Variants in TTC27 observed in about 807,000 individuals in gnomAD.
TTC27 encodes tetratricopeptide repeat domain 27, also known as tetratricopeptide repeat protein 27.
A neutral mutation model predicts 115.9 loss-of-function variants in TTC27; 79 were observed. That is an observed-to-expected ratio of 0.68 (90% confidence interval 0.57 to 0.82). TTC27 has a LOEUF of 0.82. Among genes scored for constraint, TTC27 ranks in the 40% least tolerant of loss-of-function variants. The probability of loss-of-function intolerance (pLI) is 0.00; values close to 1 mark genes in which losing one functional copy is unlikely to be tolerated. For synonymous variants in TTC27, 401 were observed against 356.0 expected (o/e 1.13, Z -1.42); for missense variants, 1,054 against 993.1 (o/e 1.06, Z -0.82).
At chr2:32,739,066 A>G (rs1197572248) in intron 12 of TTC27, among the ~76,000 whole-genome samples, 6 of 152,224 alleles carry the variant, frequency 3.9e-5, no homozygotes, top group Non-Finnish European at 8.8e-5. Context: ...GATGAAATAT[A>G]GTCATGTATT....
At chr2:32,750,100 T>C (rs752518160) in intron 12 of TTC27, among the ~76,000 whole-genome samples, 5 of 152,172 alleles carry the variant, frequency 3.3e-5, no homozygotes, top group African/African-American at 4.8e-5. Flanking sequence ...ACTTGAAACA[T>C]TGGCACAAGT....
intron 16 of TTC27, among the ~76,000 whole-genome samples, chr2:32,798,714 AAT>A (rs1254522212): frequency 3.7e-5 from 4 of 108,192 alleles, no homozygotes; most frequent in South Asian, 2.5e-4. Context: ...CAAAAAAAAA[AAT>A]AATAATAATA....
chr2:32,817,225 G>A (rs1413386029), intron 18 of TTC27, among the ~76,000 whole-genome samples: 2 of 151,132 alleles, frequency 1.3e-5, no homozygotes, highest in Non-Finnish European at 2.9e-5. Context: ...CAGACTGAGC[G>A]ACAGGGTGAG....
chr2:32,800,400 C>T (rs1670881746), intron 16 of TTC27, among the ~76,000 whole-genome samples: 1 of 152,266 alleles, frequency 6.6e-6, no homozygotes, highest in Admixed American at 6.5e-5. Context: ...CCAGGCTGGT[C>T]TCAAACTCCT....
At chr2:32,796,347 T>C (rs1300054080) in intron 16 of TTC27, among the ~76,000 whole-genome samples, 4 of 152,126 alleles carry the variant, frequency 2.6e-5, no homozygotes, top group African/African-American at 9.7e-5. Flanking sequence ...ATTGAAAAAC[T>C]TAACATTGTT....
chr2:32,817,662 G>A (rs146414704), intron 19 of TTC27, 105 bp downstream of exon 19: 17 of 1,055,734 alleles, frequency 1.6e-5, no homozygotes, highest in African/African-American at 1.1e-4. Flanking sequence ...AATTTTAGGC[G>A]CATGTTTTAT....
At chr2:32,643,425 C>A (rs544589190) in intron 4 of TTC27, among the ~76,000 whole-genome samples, 12 of 152,214 alleles carry the variant, frequency 7.9e-5, no homozygotes, top group African/African-American at 2.9e-4. Flanking sequence ...CCTGCCTCAG[C>A]CTCCCTAGTA....
At chr2:32,769,763 T>C (rs1033218856) in intron 13 of TTC27, among the ~76,000 whole-genome samples, 3 of 152,226 alleles carry the variant, frequency 2.0e-5, no homozygotes, top group Non-Finnish European at 4.4e-5. Flanking sequence ...ATCTATATTC[T>C]AAGCTCTTAT....
chr2:32,640,514 C>G (rs1664602554), intron 4 of TTC27, 104 bp downstream of exon 4: 3 of 1,202,978 alleles, frequency 2.5e-6, no homozygotes, highest in Admixed American at 2.2e-5. Context: ...ATTTTGTTTT[C>G]TAAGTCTTCT....
intron 9 of TTC27, among the ~76,000 whole-genome samples, chr2:32,697,572 A>G (rs1166819966): frequency 1.3e-5 from 2 of 152,236 alleles, no homozygotes; most frequent in East Asian, 3.8e-4. Flanking sequence ...AAAATTCAAC[A>G]AAGATGAACT....
Position 32,650,156 on chromosome 2 carries a change from G to T in TTC27, c.563G>T (p.Cys188Phe). The T allele has an allele frequency of 1.9e-6, 3 of 1,613,720 alleles. No individual in the cohort carries two copies. Among genetic ancestry groups the T allele is most frequent in the Non-Finnish European group, 1.7e-6 (2 of 1,179,786 alleles). The change falls in exon 5 of 20, where the codon TGT becomes TTT. Residue 188 changes from cysteine (C) to phenylalanine (F), a missense_variant. By Grantham distance (205) the Cys-to-Phe change is radical. Coordinates refer to ENST00000317907, the MANE Select transcript of TTC27 (RefSeq NM_017735.5). ...AGCTTGCCATGGTGGACTTTGAGATGTGTGAATATTCATCAGCATTTGCTT... is the reference window on the plus strand; with the variant it reads ...AGCTTGCCATGGTGGACTTTGAGATTTGTGAATATTCATCAGCATTTGCTT... Reference protein sequence around the residue: ...IQSLPWWTLRCVNIHQHLLEE... With the variant: ...IQSLPWWTLRFVNIHQHLLEE...
At chr2:32,674,083 G>A (rs1666107500) in intron 8 of TTC27, among the ~76,000 whole-genome samples, 1 of 151,816 alleles carries the variant, frequency 6.6e-6, no homozygotes, top group Admixed American at 6.6e-5. Flanking sequence ...CCCTCACAAA[G>A]CTATAATATT....
chr2:32,771,106 C>G (rs1669815191), intron 13 of TTC27, among the ~76,000 whole-genome samples: 1 of 152,258 alleles, frequency 6.6e-6, no homozygotes, highest in East Asian at 1.9e-4. Context: ...TACCATAGAC[C>G]TGATTCTGAA....
At chr2:32,669,883 C>A (rs1448623735) in intron 7 of TTC27, among the ~76,000 whole-genome samples, 2,012 of 108,356 alleles carry the variant, frequency 0.019, no homozygotes, top group Non-Finnish European at 0.022. Context: ...GAGACTTTCT[C>A]AAAAAAAAAA....
At chr2:32,666,968 T>A (rs1665801423) in intron 7 of TTC27, among the ~76,000 whole-genome samples, 200 bp downstream of exon 7, 1 of 67,616 alleles carries the variant, frequency 1.5e-5, no homozygotes, top group African/African-American at 7.6e-5. Flanking sequence ...AAAAAACTGG[T>A]GTTTTTTTTT....
At chr2:32,680,183 G>C (rs1456968358) in intron 9 of TTC27, among the ~76,000 whole-genome samples, 4 of 151,986 alleles carry the variant, frequency 2.6e-5, no homozygotes, top group African/African-American at 9.7e-5. Context: ...ATCATATTAT[G>C]TGTGTTTTAG....
intron 12 of TTC27, among the ~76,000 whole-genome samples, chr2:32,740,767 G>A (rs1668606402): frequency 1.3e-5 from 2 of 152,168 alleles, no homozygotes; most frequent in African/African-American, 4.8e-5. Flanking sequence ...CGATTCTCTT[G>A]CCTCAGCCTC....
chr2:32,798,721 ATAAT>A (rs1558349930), intron 16 of TTC27, among the ~76,000 whole-genome samples: 5 of 146,628 alleles, frequency 3.4e-5, no homozygotes, highest in African/African-American at 1.2e-4. Context: ...AAAAATAATA[ATAAT>A]AATAATAATA....
At position 32,733,828 on chromosome 2, in the gene TTC27, G is replaced by A; in HGVS notation, c.1234G>A (p.Ala412Thr). 6.2e-7 allele frequency: 1 copy of A among 1,605,494 alleles called. No homozygotes were observed. Among genetic ancestry groups the A allele is most frequent in the Non-Finnish European group, 8.5e-7 (1 of 1,175,182 alleles). ...RVERAMRQTQ[A>T]LADQFEDKTT... ...CTGATTGTGATATATGTCCTTTAAG[G>A]CTCTTGCAGACCAATTTGAAGATAA... Residue 412 changes from alanine (A) to threonine (T), a missense_variant and splice_region_variant, in exon 11 of 20, where the codon GCT (alanine) becomes ACT (threonine). By Grantham distance (58) the Ala-to-Thr change is moderately conservative. Coordinates refer to ENST00000317907, the MANE Select transcript of TTC27 (RefSeq NM_017735.5).
Sources: allele counts gnomAD v4.1 joint callset (sites outside exome capture counted in the v4.1 genomes callset), GRCh38; gene constraint gnomAD v4.1.1; transcripts MANE v1.5; gene names NCBI Gene and HGNC (gene_info 2026-07-23, HGNC 2026-07-21).